Variants in KAZN observed in about 807,000 individuals in gnomAD.
KAZN encodes the protein kazrin, periplakin interacting protein, also known as kazrin.
Under a neutral mutation model 87.4 loss-of-function variants are expected in KAZN, and 40 were observed. The ratio of observed to expected loss-of-function variants is 0.46; its 90% CI spans 0.36 to 0.60. The LOEUF (loss-of-function observed/expected upper bound fraction) is 0.60. KAZN is among the 20% of genes least tolerant of loss of function. KAZN has a pLI of 0.00. For missense variants in KAZN, 898 were observed against 1,073.9 expected (o/e 0.84, Z 2.29); for synonymous variants, 466 against 458.3 (o/e 1.02, Z -0.22).
intron 1 of KAZN, among the ~76,000 whole-genome samples, chr1:14,737,708 T>C (rs1405226723): frequency 2.6e-5 from 4 of 152,170 alleles, no homozygotes; most frequent in Non-Finnish European, 5.9e-5. Context: ...TTCGAGCTCA[T>C]GTGGTTATTG....
At chr1:14,800,874 A>T (rs1645989092) in intron 1 of KAZN, among the ~76,000 whole-genome samples, 1 of 151,992 alleles carries the variant, frequency 6.6e-6, no homozygotes, top group South Asian at 2.1e-4. Flanking sequence ...GTTGCCGGGG[A>T]CTGTGGGAGG....
rs576198165 is a variant in KAZN at position 14,519,148 on chromosome 1, A to T, written c.250-79835A>T. 3.7e-3 allele frequency among the ~76,000 whole-genome samples: 568 copies of T among 151,940 alleles called. 1 individual carries two copies. Among genetic ancestry groups the T allele is most frequent in the East Asian group, 7.5e-3 (39 of 5,170 alleles). ...GATTCTAAAATAATTGGAAATTTTT[A>T]AAAAAAAATTTAAATAATAAAAACA... On this transcript the variant is annotated intron_variant, in intron 2 of 16. Coordinates refer to the KAZN transcript ENST00000636203.
chr1:14,258,047 G>T (rs1650688540), intron 2 of KAZN, among the ~76,000 whole-genome samples: 1 of 150,486 alleles, frequency 6.6e-6, no homozygotes, highest in African/African-American at 2.4e-5. Context: ...AGAAGCTCAG[G>T]CATTTATATG....
At chr1:13,965,584 A>G (rs1265870293) in intron 1 of KAZN, among the ~76,000 whole-genome samples, 5 of 152,102 alleles carry the variant, frequency 3.3e-5, no homozygotes, top group Admixed American at 3.3e-4. Context: ...TCGCATTGCT[A>G]TTTCCCAGCA....
chr1:14,275,125 T>A (rs530751473), intron 2 of KAZN, among the ~76,000 whole-genome samples: 4 of 152,212 alleles, frequency 2.6e-5, no homozygotes, highest in African/African-American at 9.6e-5. Context: ...GTTTAATAAA[T>A]AGGACATTAC....
At chr1:14,281,387 C>T (rs1222378523) in intron 2 of KAZN, among the ~76,000 whole-genome samples, 1 of 152,222 alleles carries the variant, frequency 6.6e-6, no homozygotes, top group Non-Finnish European at 1.5e-5. Flanking sequence ...AAACTGCAGC[C>T]ATCTGACTTT....
chr1:13,922,738 A>G (rs892186585), intron 1 of KAZN, among the ~76,000 whole-genome samples: 1 of 152,220 alleles, frequency 6.6e-6, no homozygotes, highest in Non-Finnish European at 1.5e-5. Context: ...GGCAGCTGGC[A>G]TGAGGACAAC....
At chr1:13,899,279 T>A (rs1220322820) in intron 1 of KAZN, among the ~76,000 whole-genome samples, 1 of 152,192 alleles carries the variant, frequency 6.6e-6, no homozygotes, top group Non-Finnish European at 1.5e-5. Flanking sequence ...CCTTGTTGCA[T>A]CCTCAGAAGG....
At chr1:14,681,619 A>G (rs1429736015) in intron 1 of KAZN, among the ~76,000 whole-genome samples, 279 of 7,100 alleles carry the variant, frequency 0.039, 6 homozygotes, top group Middle Eastern at 0.12. Flanking sequence ...ATGTGTATAT[A>G]TATATATATA....
chr1:14,761,938 G>A (rs550316651), intron 1 of KAZN, among the ~76,000 whole-genome samples: 199 of 147,408 alleles, frequency 1.3e-3, no homozygotes, highest in Non-Finnish European at 2.2e-3. Flanking sequence ...AGCAGAAATC[G>A]TAATATGCCA....
At chr1:14,663,601 C>A (rs1045217614) in intron 1 of KAZN, among the ~76,000 whole-genome samples, 1 of 151,984 alleles carries the variant, frequency 6.6e-6, no homozygotes, top group African/African-American at 2.4e-5. Flanking sequence ...TGAGTTATAC[C>A]AATTAGGATG....
intron 2 of KAZN, among the ~76,000 whole-genome samples, chr1:14,472,160 C>T (rs2148371938): frequency 6.6e-6 from 1 of 152,290 alleles, no homozygotes; most frequent in Non-Finnish European, 1.5e-5. Flanking sequence ...CATGAGGGCT[C>T]TGCCCTCATC....
At chr1:14,028,545 G>C (rs1414693697) in intron 1 of KAZN, among the ~76,000 whole-genome samples, 4 of 152,164 alleles carry the variant, frequency 2.6e-5, no homozygotes, top group Non-Finnish European at 5.9e-5. Context: ...CAGCCCAGCT[G>C]GGTTAGAGCT....
chr1:14,470,265 A>G (rs1668382572), intron 2 of KAZN, among the ~76,000 whole-genome samples: 1 of 152,186 alleles, frequency 6.6e-6, no homozygotes, highest in African/African-American at 2.4e-5. Context: ...ATAAAACATG[A>G]AGCAGCCTCC....
intron 1 of KAZN, among the ~76,000 whole-genome samples, chr1:14,954,142 C>T (rs78616646): frequency 0.05 from 7,574 of 152,242 alleles, 625 homozygotes; most frequent in African/African-American, 0.17. Context: ...TATCATTATC[C>T]CCCCTGAGGG....
At chr1:14,705,601 A>G (rs754716053) in intron 1 of KAZN, among the ~76,000 whole-genome samples, 2 of 152,348 alleles carry the variant, frequency 1.3e-5, no homozygotes, top group South Asian at 4.1e-4. Context: ...ATTCAGCCAT[A>G]AAAAGAATGA....
chr1:14,119,384 AGTTCGCT>A lies in KAZN; in HGVS notation c.92-61047_92-61041del, dbSNP rs1322821355. 3.3e-5 allele frequency among the ~76,000 whole-genome samples: 5 copies of A among 152,184 alleles called. No homozygotes were observed. The East Asian group carries it at 9.6e-4, about 29-fold the overall frequency. ...GGGCAATTATTTTTCCTGCTCAGAC[AGTTCGCT>A]GTTGGATGCTAAGGGGCAGCAAGGG... On this transcript the variant is annotated intron_variant, in intron 1 of 16. Transcript: ENST00000636203.
At chr1:14,428,818 C>T (rs1665886841) in intron 2 of KAZN, among the ~76,000 whole-genome samples, 1 of 152,078 alleles carries the variant, frequency 6.6e-6, no homozygotes, top group South Asian at 2.1e-4. Context: ...TCAATTATCT[C>T]CACCTGGTCC....
At chr1:14,398,517 G>C (rs1663090752) in intron 2 of KAZN, among the ~76,000 whole-genome samples, 1 of 152,308 alleles carries the variant, frequency 6.6e-6, no homozygotes, top group South Asian at 2.1e-4. Flanking sequence ...CTTTTAAAGG[G>C]CTTGAGACTT....
Sources: allele counts gnomAD v4.1 joint callset (sites outside exome capture counted in the v4.1 genomes callset), GRCh38; gene constraint gnomAD v4.1.1; transcripts MANE v1.5; gene names NCBI Gene and HGNC (gene_info 2026-07-23, HGNC 2026-07-21).